The following NDE1 variants were observed in gnomAD, a reference collection of about 807,000 sequenced individuals.
NDE1 encodes the protein nuclear distribution protein nudE homolog 1.
NDE1 carries 28 observed loss-of-function variants against 43.4 expected under a neutral mutation model. The ratio of observed to expected loss-of-function variants is 0.65; its 90% CI spans 0.48 to 0.89. The LOEUF is 0.89. NDE1 is among the 40% of genes least tolerant of loss of function. The pLI is 0.00. For synonymous variants in NDE1, 184 were observed against 172.0 expected (o/e 1.07, Z -0.55); for missense variants, 441 against 434.1 (o/e 1.02, Z -0.14).
At chr16:15,693,105 G>T (rs540288144) in intron 6 of NDE1, among the ~76,000 whole-genome samples, 4 of 151,856 alleles carry the variant, frequency 2.6e-5, no homozygotes, top group Admixed American at 2.6e-4. Flanking sequence ...GGATTCAAGC[G>T]ATTCTCATGC....
chr16:15,650,917 C>T (rs2036469791), intron 1 of NDE1, among the ~76,000 whole-genome samples: 1 of 152,210 alleles, frequency 6.6e-6, no homozygotes, highest in Non-Finnish European at 1.5e-5. Context: ...GCAGTCTGCT[C>T]TCCGCTTTGC....
At chr16:15,648,206 G>A (rs1012727137), upstream of NDE1, among the ~76,000 whole-genome samples, 1 of 151,972 alleles carries the variant, frequency 6.6e-6, no homozygotes, top group African/African-American at 2.4e-5. Flanking sequence ...TCCTTTCTTT[G>A]TGTTACAAGC....
chr16:15,697,247 T>C (rs2039057502), intron 8 of NDE1, among the ~76,000 whole-genome samples: 1 of 152,308 alleles, frequency 6.6e-6, no homozygotes, highest in South Asian at 2.1e-4. Flanking sequence ...TTTGCCATGT[T>C]GCCGAGTTTG....
chr16:15,690,575 A>G (rs755675020), intron 5 of NDE1, among the ~76,000 whole-genome samples: 1 of 151,804 alleles, frequency 6.6e-6, no homozygotes, highest in Non-Finnish European at 1.5e-5. Flanking sequence ...TGTTTTTTCA[A>G]TAATAAAAGC....
intron 3 of NDE1, among the ~76,000 whole-genome samples, chr16:15,676,789 G>A (rs1190088705): frequency 6.6e-6 from 1 of 152,100 alleles, no homozygotes; most frequent in Non-Finnish European, 1.5e-5. Flanking sequence ...TCAGCCTCGC[G>A]AGTAGCTAGG....
At chr16:15,701,409 C>A (rs1234657219) in intron 8 of NDE1, 1 of 152,142 alleles carries the variant, frequency 6.6e-6, no homozygotes. Context: ...TTTCCTGAGT[C>A]CCCTGGTGGG....
At chr16:15,699,017 TG>T (rs1197222359) in intron 8 of NDE1, among the ~76,000 whole-genome samples, 1 of 151,934 alleles carries the variant, frequency 6.6e-6, no homozygotes, top group Non-Finnish European at 1.5e-5. Context: ...CCCAAGTAGC[TG>T]GGGCTACAGG....
intron 1 of NDE1, among the ~76,000 whole-genome samples, chr16:15,656,332 G>T (rs988274215): frequency 6.6e-6 from 1 of 151,932 alleles, no homozygotes; most frequent in African/African-American, 2.4e-5. Flanking sequence ...TACAAATCCA[G>T]TTCTCTGCTT....
At chr16:15,695,501 A>G in intron 7 of NDE1, 1 of 953,650 alleles carries the variant, frequency 1.0e-6, no homozygotes, top group Non-Finnish European at 1.2e-6. Flanking sequence ...GTCTCAAAAA[A>G]AAAAAAAAAA....
intron 3 of NDE1, among the ~76,000 whole-genome samples, chr16:15,675,869 G>A (rs926296217): frequency 1.1e-4 from 17 of 152,266 alleles, no homozygotes; most frequent in African/African-American, 3.9e-4. Context: ...GGAGGCTGGG[G>A]TTTGATCTTG....
intron 8 of NDE1, chr16:15,703,329 C>G (rs573168314): frequency 4.3e-6 from 1 of 230,710 alleles, no homozygotes; most frequent in African/African-American, 2.2e-5. Context: ...AAAGGCCTGA[C>G]GTGAGAAGTT....
chr16:15,715,372 C>CCG (rs1178868487), intron 8 of NDE1: 2 of 1,052,802 alleles, frequency 1.9e-6, no homozygotes, highest in Admixed American at 3.6e-5. Flanking sequence ...TTCCTGAGCC[C>CCG]CGTATCTGGA....
chr16:15,721,014 G>A lies in NDE1; in HGVS notation c.948-3177G>A, dbSNP rs1318737188. The A allele has an allele frequency of 3.1e-6, 5 of 1,614,018 alleles. No homozygotes were observed. Among genetic ancestry groups the A allele is most frequent in the Non-Finnish European group, 4.2e-6 (5 of 1,180,008 alleles). ...CTGCGTCTTCATCTCCTCCATCTGG[G>A]TCTCCAGGGCCCGCTTGGACTTCTC... On this transcript the variant is annotated intron_variant, in intron 8 of 8. Coordinates refer to ENST00000396354, the MANE Select transcript of NDE1 (RefSeq NM_017668.3).
chr16:15,682,702 C>CT (rs1253645428), intron 4 of NDE1, among the ~76,000 whole-genome samples: 1 of 152,060 alleles, frequency 6.6e-6, no homozygotes, highest in South Asian at 2.1e-4. Context: ...TAGTTTTACT[C>CT]TTTTCATAAG....
intron 1 of NDE1, among the ~76,000 whole-genome samples, chr16:15,663,241 CT>C (rs35559905): frequency 0.027 from 3,839 of 140,396 alleles, 97 homozygotes; most frequent in African/African-American, 0.077. Context: ...CTTTCATATT[CT>C]TTTTTTTTTT....
chr16:15,702,118 A>C (rs1041773199), intron 8 of NDE1: 1 of 152,244 alleles, frequency 6.6e-6, no homozygotes, highest in African/African-American at 2.4e-5. Flanking sequence ...TCTGGTCACA[A>C]GATGGAGTCC....
intron 8 of NDE1, chr16:15,720,415 T>TTGTGAGG: frequency 2.7e-6 from 4 of 1,454,908 alleles, no homozygotes; most frequent in Non-Finnish European, 3.8e-6. Context: ...CACAGCCCCC[T>TTGTGAGG]TGTGAGGTGG....
chr16:15,721,080 A>G lies in NDE1; in HGVS notation c.948-3111A>G, dbSNP rs113126316. On this transcript the variant is annotated intron_variant, in intron 8 of 8. Transcript: ENST00000396354. ...CCGGCAGAGCGGGCAGCCCCATTCT[A>G]TGAGGCTCAACTTCATGAAGACGAT... The G allele has an allele frequency of 2.0e-3, 3,202 of 1,610,310 alleles. 59 individuals are homozygous for G. The African/African-American group carries it at 0.036, about 18-fold the overall frequency.
At chr16:15,707,887 G>A (rs1167070092) in intron 8 of NDE1, among the ~76,000 whole-genome samples, 2 of 149,116 alleles carry the variant, frequency 1.3e-5, no homozygotes, top group East Asian at 2.0e-4. Flanking sequence ...TAGGAGAATC[G>A]CTTGAACCCA....
Sources: gnomAD v4.1 joint callset for allele counts (sites outside exome capture counted in the v4.1 genomes callset) on GRCh38, gnomAD v4.1.1 for gene constraint, MANE v1.5 for transcripts, NCBI Gene and HGNC (gene_info 2026-07-23, HGNC 2026-07-21) for gene names.